Variants in ENPP1 observed in about 807,000 individuals in gnomAD.
ENPP1 encodes ectonucleotide pyrophosphatase/phosphodiesterase 1.
In ENPP1, 73 loss-of-function variants were observed where a neutral mutation model predicts 122.8. That is an observed-to-expected ratio of 0.59 (90% CI 0.49 to 0.72). The LOEUF (loss-of-function observed/expected upper bound fraction) is 0.72, where lower values mean the gene tolerates loss of function less well. ENPP1 is among the 30% of genes least tolerant of loss of function. The probability of loss-of-function intolerance (pLI) is 0.00; values close to 1 mark genes in which losing one functional copy is unlikely to be tolerated. For missense variants in ENPP1, 978 were observed against 1,128.1 expected, an observed-to-expected ratio of 0.87 and a Z score of 1.91; for synonymous variants, 367 against 391.6, an observed-to-expected ratio of 0.94 and a Z score of 0.74.
intron 1 of ENPP1, among the ~76,000 whole-genome samples, chr6:131,818,894 A>G (rs1191617573): frequency 1.3e-5 from 2 of 152,140 alleles, no homozygotes; most frequent in Non-Finnish European, 2.9e-5. Context: ...AGACTTATTT[A>G]TTTGACATAT....
At chr6:131,877,217 A>G in intron 18 of ENPP1, 56 bp downstream of exon 18, 1 of 1,504,718 alleles carries the variant, frequency 6.6e-7, no homozygotes, top group Non-Finnish European at 9.2e-7. Flanking sequence ...CACCCTCTGC[A>G]TAGCATGTGC....
intron 1 of ENPP1, among the ~76,000 whole-genome samples, chr6:131,846,422 A>G (rs1179227928): frequency 6.6e-6 from 1 of 152,112 alleles, no homozygotes; most frequent in Non-Finnish European, 1.5e-5. Context: ...TTCTCCTAGA[A>G]GTTTGCTGTG....
intron 18 of ENPP1, chr6:131,877,533 C>T (rs41286156): frequency 0.052 from 11,350 of 219,628 alleles, 364 homozygotes; most frequent in African/African-American, 0.088. Flanking sequence ...AAACCAATCA[C>T]AATGTACCTT....
chr6:131,813,371 A>G (rs1481468044), intron 1 of ENPP1, among the ~76,000 whole-genome samples: 1 of 151,556 alleles, frequency 6.6e-6, no homozygotes, highest in Non-Finnish European at 1.5e-5. Context: ...TTGTAAAAAT[A>G]CAAAAAAAAT....
Position 131,827,674 on chromosome 6 carries a change from A to C in ENPP1, c.240+19399A>C, listed in dbSNP as rs896183896. On this transcript the variant is annotated intron_variant, in intron 1 of 24. Transcript: ENST00000647893. ...ACTATAAATGATGTCCTTCTGCTCT[A>C]CGTGCATGCGGAATCTTCTCACTTT... 9.3e-6 allele frequency: 6 copies of C among 646,762 alleles called. No individual in the cohort carries two copies. In the African/African-American group the frequency reaches 1.1e-4, roughly 12 times the overall value. The allele number at this position is 646,762 out of a possible 1,614,324, so 40.1% of individuals were successfully genotyped here. A position where few individuals can be genotyped will look rare whatever the true frequency, so the allele number is the denominator to read the frequency against.
intron 7 of ENPP1, among the ~76,000 whole-genome samples, chr6:131,859,599 T>C (rs1781991451): frequency 3.4e-4 from 3 of 8,748 alleles, no homozygotes; most frequent in South Asian, 0.022. Context: ...TGCCCGGACC[T>C]AGGGGCGGAT....
intron 1 of ENPP1, among the ~76,000 whole-genome samples, chr6:131,822,258 A>G (rs186876536): frequency 6.6e-6 from 1 of 152,342 alleles, no homozygotes; most frequent in Admixed American, 6.5e-5. Context: ...TTATGGAATG[A>G]TTCAAGCAAA....
intron 2 of ENPP1, among the ~76,000 whole-genome samples, chr6:131,849,127 TA>T (rs1350526165): frequency 2.6e-5 from 4 of 152,144 alleles, no homozygotes; most frequent in Admixed American, 1.3e-4. Flanking sequence ...ACTTCAACAG[TA>T]AAAAACTGTC....
chr6:131,834,040 A>G (rs1276505437), intron 1 of ENPP1, among the ~76,000 whole-genome samples: 1 of 152,236 alleles, frequency 6.6e-6, no homozygotes, highest in African/African-American at 2.4e-5. Context: ...TCAAGATACA[A>G]TGACGGTCTA....
chr6:131,878,445 T>G, intron 18 of ENPP1, 97 bp from the exon 19 acceptor site: 3 of 782,426 alleles, frequency 3.8e-6, no homozygotes, highest in Non-Finnish European at 6.7e-6. Flanking sequence ...AAATGATCTT[T>G]GTTCTATGTT....
chr6:131,873,382 C>A (rs143028452), intron 15 of ENPP1, among the ~76,000 whole-genome samples: 1 of 152,124 alleles, frequency 6.6e-6, no homozygotes, highest in East Asian at 1.9e-4. Context: ...CCCAGACCAT[C>A]CTTGGCTAAG....
At chr6:131,842,794 T>C (rs1781758843) in intron 1 of ENPP1, among the ~76,000 whole-genome samples, 1 of 152,168 alleles carries the variant, frequency 6.6e-6, no homozygotes, top group South Asian at 2.1e-4. Context: ...GGACTGCACA[T>C]TGTGGACACT....
rs947682467 is a variant in ENPP1 at position 131,892,161 on chromosome 6, T to C, written c.*1650T>C. 6.6e-6 allele frequency: 1 copy of C among 152,232 alleles called. No homozygotes were observed. The highest frequency in any genetic ancestry group is 1.5e-5 in the Non-Finnish European group (1 of 68,046). The allele number at this position is 152,232 out of a possible 1,614,324, so 9.4% of individuals were successfully genotyped here. A position where few individuals can be genotyped will look rare whatever the true frequency, so the allele number is the denominator to read the frequency against. On this transcript the variant is annotated 3_prime_UTR_variant, in exon 25 of 25. Coordinates refer to ENST00000647893, the MANE Select transcript of ENPP1 (RefSeq NM_006208.3). Reference sequence around the variant, plus strand: ...GCATCTACTGATGGTCTTTTTTCCATTCGGAAACATTTTCCTGTTTCTTGG... The same window carrying C: ...GCATCTACTGATGGTCTTTTTTCCACTCGGAAACATTTTCCTGTTTCTTGG...
chr6:131,864,840 T>C (rs1452846620), intron 10 of ENPP1, 26 bp from the exon 11 acceptor site: 1 of 1,437,892 alleles, frequency 7.0e-7, no homozygotes, highest in Non-Finnish European at 9.8e-7. Context: ...TCGTAAAATA[T>C]TACATTTTGA....
chr6:131,878,411 A>AC (rs1265383112), intron 18 of ENPP1, 131 bp from the exon 19 acceptor site: 1 of 710,492 alleles, frequency 1.4e-6, no homozygotes, highest in African/African-American at 1.8e-5. Context: ...GAGAAAAAAA[A>AC]ATCCACTAAT....
intron 1 of ENPP1, among the ~76,000 whole-genome samples, chr6:131,811,170 A>G (rs113841538): frequency 1.1e-3 from 161 of 151,774 alleles, no homozygotes; most frequent in African/African-American, 3.7e-3. Flanking sequence ...TGTAATTCTC[A>G]ACTACATTGC....
At chr6:131,820,687 C>T (rs1781474173) in intron 1 of ENPP1, 1 of 152,218 alleles carries the variant, frequency 6.6e-6, no homozygotes, top group Admixed American at 6.5e-5. Context: ...AACCACAGCT[C>T]TGCTGTTATC....
chr6:131,887,576 T>TTTTTTGA (rs1782398662), intron 24 of ENPP1, among the ~76,000 whole-genome samples: 1 of 146,042 alleles, frequency 6.8e-6, no homozygotes, highest in African/African-American at 2.6e-5. Flanking sequence ...TTTTTTTTTT[T>TTTTTTGA]GAGACAGAGT....
In ENPP1 at chr6:131,875,813, G is replaced by A; in HGVS notation, c.1673G>A (p.Gly558Asp). Reference sequence around the variant, plus strand: ...GGCTATGGACCTGGATTCAAGCATGGCATTGAGGCTGACACCTTTGAAAAC... The same window carrying A: ...GGCTATGGACCTGGATTCAAGCATGACATTGAGGCTGACACCTTTGAAAAC... Reference protein sequence around the residue: ...FVGYGPGFKHGIEADTFENIE... With the variant: ...FVGYGPGFKHDIEADTFENIE... The change falls in exon 17 of 25, where the codon GGC (glycine) becomes GAC (aspartate). Residue 558 changes from glycine (G) to aspartate (D), a missense_variant. By Grantham distance (94) the Gly-to-Asp change is moderately conservative. Around this residue, in one of 3 missense-constraint regions of ENPP1, gnomAD observed 644 missense variants for 781.5 expected, o/e 0.82. Transcript: ENST00000647893. 1 of 1,614,044 alleles carries A rather than the reference G, an allele frequency of 6.2e-7. No homozygotes were observed. Among genetic ancestry groups the A allele is most frequent in the Admixed American group, 1.7e-5 (1 of 60,020 alleles).
Sources: allele counts gnomAD v4.1 joint callset (sites outside exome capture counted in the v4.1 genomes callset), GRCh38; gene constraint gnomAD v4.1.1; regional missense constraint gnomAD v4.1.1; transcripts MANE v1.5; gene names NCBI Gene and HGNC (gene_info 2026-07-23, HGNC 2026-07-21).